FRAS1: variants seen among roughly 807,000 people sequenced by gnomAD.
FRAS1 encodes the protein extracellular matrix organizing protein FRAS1.
Under a neutral mutation model 435.2 loss-of-function variants are expected in FRAS1, and 290 were observed. The observed-to-expected ratio is 0.67, with a 90% CI of 0.61 to 0.73. The LOEUF (loss-of-function observed/expected upper bound fraction) is 0.73. Among genes scored for constraint, FRAS1 ranks in the 30% least tolerant of loss-of-function variants. FRAS1 has a pLI of 0.00. For missense variants in FRAS1, 4,860 were observed against 5,001.5 expected (o/e 0.97, Z 0.85); for synonymous variants, 1,800 against 1,851.0 (o/e 0.97, Z 0.71).
chr4:78,376,217 A>G (rs1036856135), intron 26 of FRAS1, among the ~76,000 whole-genome samples: 1 of 152,194 alleles, frequency 6.6e-6, no homozygotes, highest in African/African-American at 2.4e-5. Flanking sequence ...AATGATGGGG[A>G]TACATTCTGA....
chr4:78,114,349 T>A (rs1182744167), intron 2 of FRAS1, among the ~76,000 whole-genome samples: 1 of 152,218 alleles, frequency 6.6e-6, no homozygotes, highest in Non-Finnish European at 1.5e-5. Flanking sequence ...TAAAGTAGTT[T>A]TTTCCAATTC....
At chr4:78,517,966 G>T (rs1721260774) in intron 66 of FRAS1, among the ~76,000 whole-genome samples, 1 of 152,008 alleles carries the variant, frequency 6.6e-6, no homozygotes, top group South Asian at 2.1e-4. Context: ...AGAACAAAAA[G>T]AGGGGCTGGG....
At chr4:78,096,577 C>G (rs1578120651) in intron 2 of FRAS1, among the ~76,000 whole-genome samples, 1 of 152,230 alleles carries the variant, frequency 6.6e-6, no homozygotes, top group Non-Finnish European at 1.5e-5. Context: ...TCCCAGACCT[C>G]AGTTCTTGAG....
rs1446992045 is a variant in FRAS1, at chr4:78,421,308, C to T, written c.4541-555C>T. On this transcript the variant is annotated intron_variant, in intron 33 of 73. Coordinates refer to ENST00000512123, the MANE Select transcript of FRAS1 (RefSeq NM_025074.7). The stretch of plus-strand genomic sequence containing the variant: ...GATTACGGGTGCGTGCCACCATACC[C>T]GGCTAATTTTTGTGTTTTTAGTAGA... 9.2e-5 allele frequency among the ~76,000 whole-genome samples: 14 copies of T among 151,942 alleles called. No individual in the cohort carries two copies. The East Asian group carries it at 1.2e-3, about 13-fold the overall frequency.
intron 15 of FRAS1, among the ~76,000 whole-genome samples, chr4:78,309,874 T>C (rs1393310333): frequency 6.6e-6 from 1 of 152,072 alleles, no homozygotes; most frequent in African/African-American, 2.4e-5. Flanking sequence ...CATAGCTAAG[T>C]CCACCAAATC....
intron 14 of FRAS1, among the ~76,000 whole-genome samples, chr4:78,306,358 G>A (rs1310838488): frequency 2.0e-5 from 3 of 147,668 alleles, no homozygotes; most frequent in African/African-American, 7.5e-5. Context: ...TGCTCTTCTC[G>A]AGGAGTATCT....
chr4:78,318,720 G>T, intron 17 of FRAS1, 90 bp from the exon 18 acceptor site: 1 of 1,276,398 alleles, frequency 7.8e-7, no homozygotes, highest in South Asian at 1.6e-5. Context: ...TGCATTTGGT[G>T]AACTTTTCTA....
chr4:78,113,795 G>C (rs1191960988), intron 2 of FRAS1, among the ~76,000 whole-genome samples: 1 of 152,114 alleles, frequency 6.6e-6, no homozygotes, highest in Non-Finnish European at 1.5e-5. Flanking sequence ...TCTCTCTGAT[G>C]GTAGTTTCTT....
chr4:78,320,172 C>G (rs1396716332), intron 18 of FRAS1, among the ~76,000 whole-genome samples: 1 of 152,190 alleles, frequency 6.6e-6, no homozygotes, highest in African/African-American at 2.4e-5. Context: ...AAGGGAAGGT[C>G]ACCACTCTCC....
intron 2 of FRAS1, among the ~76,000 whole-genome samples, chr4:78,218,497 G>C (rs1465459943): frequency 6.6e-6 from 1 of 152,172 alleles, no homozygotes; most frequent in Admixed American, 6.5e-5. Flanking sequence ...AGACTGTGTG[G>C]ACATGGATCA....
intron 2 of FRAS1, among the ~76,000 whole-genome samples, chr4:78,194,951 G>T (rs182135733): frequency 6.6e-6 from 1 of 152,182 alleles, no homozygotes; most frequent in Non-Finnish European, 1.5e-5. Context: ...TGGGGTTTTC[G>T]TGTGGATGTC....
intron 43 of FRAS1, among the ~76,000 whole-genome samples, chr4:78,447,498 T>C (rs987486056): frequency 1.3e-5 from 2 of 151,854 alleles, no homozygotes; most frequent in East Asian, 1.9e-4. Flanking sequence ...TAGAAAAAAC[T>C]GTTGGGCATT....
rs1197079366 is a variant in FRAS1, at chr4:78,541,171, TGGG to T, written c.*51_*53del. On this transcript the variant is annotated 3_prime_UTR_variant, in exon 74 of 74. Transcript: ENST00000512123. ...TTTTTCTAAAATCATTTTTATAAAA[TGGG>T]GGGAAATACTGGTATTTTTATAATC... The T allele has an allele frequency of 1.8e-5, 20 of 1,099,318 alleles. No homozygotes were observed. Among genetic ancestry groups the T allele is most frequent in the East Asian group, 2.9e-5 (1 of 34,676 alleles). 68.1% of individuals were successfully genotyped at this position (1,099,318 alleles called of 1,614,324 possible). A position where few individuals can be genotyped will look rare whatever the true frequency, so the allele number is the denominator to read the frequency against.
At chr4:78,511,727 A>G (rs1476101096) in intron 64 of FRAS1, among the ~76,000 whole-genome samples, 1 of 152,172 alleles carries the variant, frequency 6.6e-6, no homozygotes, top group Non-Finnish European at 1.5e-5. Flanking sequence ...GGCCATTCCA[A>G]CCACAAGGAA....
chr4:78,111,811 C>T (rs1380659875), intron 2 of FRAS1, among the ~76,000 whole-genome samples: 1 of 148,784 alleles, frequency 6.7e-6, no homozygotes, highest in East Asian at 2.0e-4. Flanking sequence ...ATGTAAAAGT[C>T]CTGAATAGTT....
intron 2 of FRAS1, among the ~76,000 whole-genome samples, chr4:78,186,534 A>G (rs1560569854): frequency 6.6e-6 from 1 of 152,022 alleles, no homozygotes; most frequent in Non-Finnish European, 1.5e-5. Context: ...TTCTCACCCC[A>G]TTGTTTTATA....
chr4:78,265,130 G>T (rs748869050), intron 7 of FRAS1, 22 bp downstream of exon 7: 1 of 1,573,150 alleles, frequency 6.4e-7, no homozygotes, highest in Non-Finnish European at 8.7e-7. Flanking sequence ...TGCTCCCCAT[G>T]TAGGTGTTTT....
intron 2 of FRAS1, among the ~76,000 whole-genome samples, chr4:78,148,485 T>A (rs1284443018): frequency 6.6e-6 from 1 of 152,220 alleles, no homozygotes; most frequent in Non-Finnish European, 1.5e-5. Context: ...CCAAAGGGAT[T>A]TTTAAACAAG....
intron 2 of FRAS1, among the ~76,000 whole-genome samples, chr4:78,138,545 G>A (rs955258781): frequency 2.4e-4 from 37 of 152,062 alleles, no homozygotes; most frequent in African/African-American, 8.0e-4. Flanking sequence ...TAATAGCGAC[G>A]GCTTTTCCAG....
Sources: allele counts gnomAD v4.1 joint callset (sites outside exome capture counted in the v4.1 genomes callset), GRCh38; gene constraint gnomAD v4.1.1; transcripts MANE v1.5; gene names NCBI Gene and HGNC (gene_info 2026-07-23, HGNC 2026-07-21).